The following GLIS1 variants were observed in gnomAD, a reference collection of about 807,000 sequenced individuals.
GLIS1 encodes the protein GLIS family zinc finger 1, also known as zinc finger protein GLIS1.
A neutral mutation model predicts 63.8 loss-of-function variants in GLIS1; 24 were observed. The observed-to-expected ratio is 0.38, with a 90% confidence interval of 0.27 to 0.53. The LOEUF is 0.53. GLIS1 is among the 20% of genes least tolerant of loss of function. The pLI is 0.85. For synonymous variants in GLIS1, 450 were observed against 482.5 expected (o/e 0.93, Z 0.88); for missense variants, 1,036 against 1,074.1 (o/e 0.96, Z 0.50).
intron 4 of GLIS1, among the ~76,000 whole-genome samples, chr1:53,564,494 C>T (rs540249230): frequency 1.2e-4 from 18 of 152,182 alleles, no homozygotes; most frequent in African/African-American, 3.9e-4. Context: ...CATTAGTAAT[C>T]ACTAAAATTG....
In GLIS1 at chr1:53,737,905, G is replaced by C; in HGVS notation, c.160C>G (p.Leu54Val). ...GGTGGCGGCGCAGGCGGCCGGGCTA[G>C]CAGGTCCCGCGGGCCCCTGTCCCCG... Reference protein sequence around the residue: ...GCGDRGPRDLLARPPAPPPRA... With the variant: ...GCGDRGPRDLVARPPAPPPRA... The change falls in exon 2 of 11, where the codon CTA becomes GTA. Residue 54 changes from leucine to valine, a missense_variant. Around this residue, in one of 3 missense-constraint regions of GLIS1, gnomAD observed 592 missense variants for 593.9 expected, o/e 1.00. Transcript: ENST00000628545. 1.6e-6 allele frequency: 2 copies of C among 1,230,400 alleles called. No individual in the cohort carries two copies. 76.2% of individuals were successfully genotyped at this position (1,230,400 alleles called of 1,614,324 possible).
chr1:53,568,810 C>T (rs566027286), intron 4 of GLIS1, among the ~76,000 whole-genome samples: 15 of 152,322 alleles, frequency 9.8e-5, no homozygotes, highest in Non-Finnish European at 1.5e-4. Context: ...CTCCCAGTCA[C>T]GCTTCCTGTT....
chr1:53,732,093 T>C (rs1380935228), intron 2 of GLIS1, among the ~76,000 whole-genome samples: 5 of 152,242 alleles, frequency 3.3e-5, no homozygotes, highest in Non-Finnish European at 7.3e-5. Context: ...AAATGCGTTA[T>C]TCAGTTAACA....
At chr1:53,544,071 C>T (rs1214266566) in intron 4 of GLIS1, among the ~76,000 whole-genome samples, 23 of 152,154 alleles carry the variant, frequency 1.5e-4, no homozygotes, top group Admixed American at 1.4e-3. Flanking sequence ...GCTGCGCCAC[C>T]CGACTCAGAG....
At chr1:53,651,011 T>C (rs1425698977) in intron 2 of GLIS1, among the ~76,000 whole-genome samples, 1 of 152,260 alleles carries the variant, frequency 6.6e-6, no homozygotes, top group African/African-American at 2.4e-5. Context: ...AGTCCATTTT[T>C]TTCACAGTCT....
intron 2 of GLIS1, among the ~76,000 whole-genome samples, chr1:53,693,076 G>GT (rs1484363804): frequency 6.6e-6 from 1 of 152,194 alleles, no homozygotes; most frequent in Middle Eastern, 3.2e-3. Context: ...TCGAGACCTC[G>GT]TATCAACCCA....
intron 3 of GLIS1, 104 bp downstream of exon 3, chr1:53,599,997 A>G (rs3013750): frequency 0.053 from 33,083 of 624,696 alleles, 3,597 homozygotes; most frequent in East Asian, 0.35. Flanking sequence ...TCGTGCCTCC[A>G]TTTCCCCATG....
At chr1:53,580,085 C>T (rs1308544907) in intron 4 of GLIS1, among the ~76,000 whole-genome samples, 1 of 152,110 alleles carries the variant, frequency 6.6e-6, no homozygotes, top group African/African-American at 2.4e-5. Flanking sequence ...TCCAGGAGCC[C>T]CTGGGGCAGA....
chr1:53,694,867 T>TTC (rs965671055), intron 2 of GLIS1, among the ~76,000 whole-genome samples: 11 of 152,136 alleles, frequency 7.2e-5, no homozygotes, highest in African/African-American at 2.2e-4. Flanking sequence ...GAAGGGTGGC[T>TTC]GAAAACATCG....
chr1:53,590,209 A>T (rs983430710), intron 4 of GLIS1, among the ~76,000 whole-genome samples: 1 of 152,142 alleles, frequency 6.6e-6, no homozygotes, highest in Non-Finnish European at 1.5e-5. Context: ...AAGTACTATT[A>T]TTACTCCATT....
In GLIS1 at chr1:53,598,073, A is replaced by T. The variant is rs939307642; in HGVS notation, c.437+2028T>A. Among the ~76,000 whole-genome samples, 1 of 152,218 alleles carries T rather than the reference A, an allele frequency of 6.6e-6. No individual in the cohort carries two copies. The highest frequency in any genetic ancestry group is 2.4e-5 in the African/African-American group (1 of 41,450). On this transcript the variant is annotated intron_variant, in intron 3 of 10. Transcript: ENST00000628545. The surrounding 1 kb of genome is among the most constrained non-coding windows in gnomAD (Gnocchi z 4.6). ...ACTGTCACCAAACAATGCACGGCTC[A>T]AAAACTATAAGACGCTTGCTCCTTG...
chr1:53,524,699 T>G, intron 6 of GLIS1, 78 bp downstream of exon 6: 3 of 965,796 alleles, frequency 3.1e-6, no homozygotes, highest in African/African-American at 1.6e-5. Context: ...GATGCATGTG[T>G]TGAGGGTGGG....
chr1:53,653,611 C>G (rs7548123), intron 2 of GLIS1, among the ~76,000 whole-genome samples: 15,205 of 152,274 alleles, frequency 0.1, 953 homozygotes, highest in South Asian at 0.24. Context: ...CTTCCCTCCT[C>G]CCCCTCACCC....
intron 4 of GLIS1, among the ~76,000 whole-genome samples, chr1:53,564,106 A>G (rs767241347): frequency 7.2e-5 from 11 of 152,254 alleles, no homozygotes; most frequent in Admixed American, 2.0e-4. Flanking sequence ...AAGTAGAGCT[A>G]AACGCACACT....
chr1:53,729,787 T>C (rs1646841669), intron 2 of GLIS1, among the ~76,000 whole-genome samples: 1 of 152,178 alleles, frequency 6.6e-6, no homozygotes, highest in South Asian at 2.1e-4. Flanking sequence ...TATTTAAACT[T>C]ATTATAGGAA....
At chr1:53,689,936 C>T (rs145419182) in intron 2 of GLIS1, among the ~76,000 whole-genome samples, 5 of 152,332 alleles carry the variant, frequency 3.3e-5, no homozygotes, top group African/African-American at 7.2e-5. Flanking sequence ...CTGGGCTACA[C>T]GTAGTGAGCG....
At chr1:53,509,561 ACT>A (rs762133668) in intron 9 of GLIS1, among the ~76,000 whole-genome samples, 1 of 151,708 alleles carries the variant, frequency 6.6e-6, no homozygotes, top group Non-Finnish European at 1.5e-5. Context: ...TACTCCCTCC[ACT>A]CTCAGGCGCT....
chr1:53,579,838 T>G (rs1325306810), intron 4 of GLIS1, among the ~76,000 whole-genome samples: 1 of 152,192 alleles, frequency 6.6e-6, no homozygotes, highest in African/African-American at 2.4e-5. Flanking sequence ...TCCCTGCCGC[T>G]CAGCCAGCTC....
At chr1:53,685,839 C>T (rs953950253) in intron 2 of GLIS1, among the ~76,000 whole-genome samples, 1 of 152,202 alleles carries the variant, frequency 6.6e-6, no homozygotes, top group Non-Finnish European at 1.5e-5. Flanking sequence ...ATCCCGCAGC[C>T]AGATCTGCTG....
Sources: gnomAD v4.1 joint callset for allele counts (sites outside exome capture counted in the v4.1 genomes callset) on GRCh38, gnomAD v4.1.1 for gene constraint, gnomAD v4.1.1 regional missense constraint, Gnocchi (gnomAD v3.1) non-coding constraint, MANE v1.5 for transcripts, NCBI Gene and HGNC (gene_info 2026-07-23, HGNC 2026-07-21) for gene names.